Variants in BRWD1 observed in about 807,000 individuals in gnomAD.
The protein encoded by BRWD1 is bromodomain and WD repeat domain containing 1, also known as bromodomain and WD repeat-containing protein 1.
A neutral mutation model predicts 251.2 loss-of-function variants in BRWD1; 82 were observed. The ratio of observed to expected loss-of-function variants is 0.33; its 90% confidence interval spans 0.27 to 0.39. The LOEUF is 0.39. Ranked by LOEUF, BRWD1 falls within the 10% of genes least tolerant of loss-of-function variation. The pLI is 1.00. For synonymous variants in BRWD1, 918 were observed against 902.8 expected, an observed-to-expected ratio of 1.02 and a Z score of -0.30; for missense variants, 2,233 against 2,711.6, an observed-to-expected ratio of 0.82 and a Z score of 3.92.
At chr21:39,251,348 TG>T (rs2034386819) in intron 19 of BRWD1, among the ~76,000 whole-genome samples, 1 of 152,200 alleles carries the variant, frequency 6.6e-6, no homozygotes, top group Non-Finnish European at 1.5e-5. Context: ...AAAAAGATTA[TG>T]TTATTGTGAC....
At chr21:39,297,220 G>A in intron 5 of BRWD1, 9 of 985,440 alleles carry the variant, frequency 9.1e-6, no homozygotes, top group Non-Finnish European at 1.1e-5. Context: ...ACTCAAAGAA[G>A]AAAGGGAAGG....
intron 17 of BRWD1, among the ~76,000 whole-genome samples, 158 bp from the exon 18 acceptor site, chr21:39,258,830 CAG>C (rs1052399486): frequency 2.4e-4 from 36 of 152,060 alleles, no homozygotes; most frequent in African/African-American, 8.0e-4. Context: ...ACCAAGAAGT[CAG>C]AGAAAAGATT....
At chr21:39,248,641 CAAAAA>C (rs375430016) in intron 20 of BRWD1, among the ~76,000 whole-genome samples, 1,444 of 83,224 alleles carry the variant, frequency 0.017, 103 homozygotes, top group South Asian at 0.027. Flanking sequence ...CCCTATCTCC[CAAAAA>C]AAAAAAAAAA....
chr21:39,264,462 G>A lies in BRWD1; in HGVS notation c.1883C>T (p.Thr628Ile). Residue 628 changes from threonine (T) to isoleucine (I), a missense_variant and splice_region_variant, in exon 17 of 41, where the codon ACA becomes ATA. Physicochemically the swap from Thr to Ile is moderately conservative, Grantham distance 89 (BLOSUM62 -1). Coordinates refer to ENST00000342449, the MANE Select transcript of BRWD1 (RefSeq NM_033656.4). ...HLIPQLGYVATSDGEVIEQII... is the reference protein window; with the variant it reads ...HLIPQLGYVAISDGEVIEQII... The stretch of plus-strand genomic sequence containing the variant: ...AAAAAAAAAAAGACTGCACTTACTT[G>A]TTGCCACATAGCCCAGCTGTGGAAT... 6.8e-7 allele frequency: 1 copy of A among 1,463,134 alleles called. No homozygotes were observed. The highest frequency in any genetic ancestry group is 9.2e-7 in the Non-Finnish European group (1 of 1,081,356). 90.6% of individuals were successfully genotyped at this position (1,463,134 alleles called of 1,614,324 possible).
chr21:39,199,106 G>A lies in BRWD1; in HGVS notation c.5310C>T (p.Asn1770=), dbSNP rs748786131. The A allele has an allele frequency of 2.5e-6, 4 of 1,613,990 alleles. No individual in the cohort carries two copies. Among genetic ancestry groups the A allele is most frequent in the Non-Finnish European group, 3.4e-6 (4 of 1,179,972 alleles). ...CAGACGTTGATGGGCCAGCAGTTCT[G>A]TTACATGCATGATCTGAATCATGAC... ...SKSHDSDHAC[N]RTAGPSTSVQ... is the part of the protein sequence containing the mutation. Residue 1770 remains asparagine, a synonymous_variant, in exon 40 of 41, where the codon AAC becomes AAT. Transcript: ENST00000342449.
intron 9 of BRWD1, among the ~76,000 whole-genome samples, chr21:39,279,758 C>T (rs1323662366): frequency 6.6e-6 from 1 of 151,786 alleles, no homozygotes. Context: ...TCCTCAATTG[C>T]ACTAGCCACA....
chr21:39,212,623 A>C, intron 34 of BRWD1, 43 bp downstream of exon 34: 1 of 1,450,014 alleles, frequency 6.9e-7, no homozygotes, highest in Non-Finnish European at 9.5e-7. Flanking sequence ...TTTTAAAACA[A>C]AGAAAAAGAA....
intron 8 of BRWD1, among the ~76,000 whole-genome samples, chr21:39,290,284 T>TC (rs1353591300): frequency 6.6e-6 from 1 of 151,558 alleles, no homozygotes; most frequent in Non-Finnish European, 1.5e-5. Flanking sequence ...GGTCAGGAGA[T>TC]CGAGACAATC....
In BRWD1 at chr21:39,258,665, T is replaced by C. The variant is rs759973959; in HGVS notation, c.1893A>G (p.Gly631=). The C allele has an allele frequency of 9.5e-6, 15 of 1,581,930 alleles. No homozygotes were observed. The highest frequency in any genetic ancestry group is 1.3e-5 in the Non-Finnish European group (15 of 1,167,058). The change falls in exon 18 of 41, where the codon GGA becomes GGG. Residue 631 remains glycine (G), a synonymous_variant. Coordinates refer to ENST00000342449, the MANE Select transcript of BRWD1 (RefSeq NM_033656.4). ...PQLGYVATSD[G]EVIEQIISLQ... ...GGCTTATAATTTGTTCAATCACCTC[T>C]CCATCACCTACAAATTCAATTATTT...
intron 21 of BRWD1, among the ~76,000 whole-genome samples, chr21:39,246,396 C>T (rs1470763017): frequency 6.6e-6 from 1 of 152,192 alleles, no homozygotes; most frequent in Non-Finnish European, 1.5e-5. Flanking sequence ...AACTGGAACT[C>T]TCATATTTCT....
At position 39,264,652 on chromosome 21, in the gene BRWD1, G is replaced by A; in HGVS notation, c.1693C>T (p.Arg565Ter). Residue 565 changes from arginine (R) to a stop codon, truncating the protein, a stop_gained, in exon 17 of 41, where the codon CGA (arginine) becomes TGA (stop). Transcript: ENST00000342449. LOFTEE classifies it high-confidence loss of function. ...TTATTAGAATCTCTAATAAGTGGTCGATAGTCAGTATGGAAGAACATCTGA... is the reference window on the plus strand; with the variant it reads ...TTATTAGAATCTCTAATAAGTGGTCAATAGTCAGTATGGAAGAACATCTGA... ...PDQMFFHTDY[R>*]PLIRDSNNYV... The A allele has an allele frequency of 6.2e-7, 1 of 1,611,154 alleles. No individual in the cohort carries two copies. Among genetic ancestry groups the A allele is most frequent in the Non-Finnish European group, 8.5e-7 (1 of 1,178,696 alleles).
chr21:39,184,432 G>A (rs1371330424), downstream of BRWD1: 1 of 152,112 alleles, frequency 6.6e-6, no homozygotes, highest in Admixed American at 6.5e-5. Context: ...AGAGAAAAAG[G>A]GGACATAATT....
At chr21:39,208,944 T>G (rs1454606208) in intron 36 of BRWD1, among the ~76,000 whole-genome samples, 1 of 147,038 alleles carries the variant, frequency 6.8e-6, no homozygotes, top group Non-Finnish European at 1.5e-5. Context: ...GTTAAAGAAG[T>G]CAATTAACAA....
chr21:39,296,219 T>C, intron 6 of BRWD1, 46 bp downstream of exon 6: 2 of 1,461,768 alleles, frequency 1.4e-6, no homozygotes, highest in East Asian at 4.7e-5. Flanking sequence ...TGTTGAGAAA[T>C]TTAAAAACAA....
chr21:39,272,008 C>CAA (rs376900840), intron 13 of BRWD1, among the ~76,000 whole-genome samples: 32,820 of 114,478 alleles, frequency 0.29, 5,409 homozygotes, highest in Non-Finnish European at 0.33. Flanking sequence ...CACTCCATTT[C>CAA]AAAAAAAAAA....
chr21:39,259,916 C>A (rs775947034), intron 17 of BRWD1, among the ~76,000 whole-genome samples: 5 of 151,986 alleles, frequency 3.3e-5, no homozygotes, highest in Admixed American at 2.0e-4. Context: ...ATATAACTTG[C>A]CACCATAAAG....
At chr21:39,270,134 C>A (rs1381763503) in intron 14 of BRWD1, 101 bp from the exon 15 acceptor site, 1 of 1,215,892 alleles carries the variant, frequency 8.2e-7, no homozygotes, top group South Asian at 2.2e-5. Flanking sequence ...GAAATGTATT[C>A]GACAATAATT....
intron 27 of BRWD1, among the ~76,000 whole-genome samples, chr21:39,225,725 G>T (rs1461563165): frequency 2.0e-5 from 3 of 151,824 alleles, no homozygotes. Context: ...TTCTTCAAAG[G>T]TTTGAAAAAA....
At chr21:39,218,797 CTT>C in intron 29 of BRWD1, 137 bp from the exon 30 acceptor site, 1 of 635,850 alleles carries the variant, frequency 1.6e-6, no homozygotes, top group Non-Finnish European at 2.4e-6. Flanking sequence ...ATGTGCAACT[CTT>C]TTAAAATTAC....
Sources: allele counts gnomAD v4.1 joint callset (sites outside exome capture counted in the v4.1 genomes callset), GRCh38; gene constraint gnomAD v4.1.1; transcripts MANE v1.5; gene names NCBI Gene and HGNC (gene_info 2026-07-23, HGNC 2026-07-21).